Variants in DMXL2 observed in about 807,000 individuals in gnomAD.
DMXL2 encodes the protein dmX-like protein 2.
Under a neutral mutation model 331.1 loss-of-function variants are expected in DMXL2, and 103 were observed. That is an observed-to-expected ratio of 0.31 (90% CI 0.27 to 0.37). The LOEUF is 0.37. Ranked by LOEUF, DMXL2 falls within the 10% of genes least tolerant of loss-of-function variation. The probability of loss-of-function intolerance (pLI) is 1.00; values close to 1 mark genes in which losing one functional copy is unlikely to be tolerated. For synonymous variants in DMXL2, 1,281 were observed against 1,252.1 expected (o/e 1.02, Z -0.49); for missense variants, 3,171 against 3,642.9 (o/e 0.87, Z 3.33).
chr15:51,462,253 T>C (rs891966884), intron 33 of DMXL2, among the ~76,000 whole-genome samples: 2 of 152,156 alleles, frequency 1.3e-5, no homozygotes, highest in Non-Finnish European at 2.9e-5. Context: ...TCTCGGGAAA[T>C]TGAGCCGTAT....
At chr15:51,616,934 C>CT (rs2054320301) in intron 1 of DMXL2, among the ~76,000 whole-genome samples, 1 of 52,484 alleles carries the variant, frequency 1.9e-5, no homozygotes, top group South Asian at 8.6e-4. Flanking sequence ...GAGACTCCAT[C>CT]TAAAAAAAAA....
intron 6 of DMXL2, among the ~76,000 whole-genome samples, chr15:51,559,262 A>G (rs75798985): frequency 0.012 from 1,766 of 152,370 alleles, 27 homozygotes; most frequent in East Asian, 0.026. Flanking sequence ...GCTCATACCC[A>G]TAATAAAGAA....
chr15:51,582,086 A>C (rs2051465342), intron 1 of DMXL2, among the ~76,000 whole-genome samples: 1 of 152,182 alleles, frequency 6.6e-6, no homozygotes, highest in African/African-American at 2.4e-5. Context: ...AGTTAGAAAA[A>C]TAATTACAAG....
At chr15:51,582,758 A>T (rs1191507494) in intron 1 of DMXL2, among the ~76,000 whole-genome samples, 1 of 152,188 alleles carries the variant, frequency 6.6e-6, no homozygotes, top group Non-Finnish European at 1.5e-5. Flanking sequence ...AAGGTAAATA[A>T]GGCACATAAA....
intron 32 of DMXL2, among the ~76,000 whole-genome samples, chr15:51,464,195 A>G (rs1227691050): frequency 1.3e-5 from 2 of 152,194 alleles, no homozygotes; most frequent in African/African-American, 4.8e-5. Context: ...TGAGCCTAGG[A>G]GTTTGAGACC....
chr15:51,601,864 A>C (rs2053249098), intron 1 of DMXL2, among the ~76,000 whole-genome samples: 2 of 152,228 alleles, frequency 1.3e-5, no homozygotes. Flanking sequence ...TGAATCTTCC[A>C]GTCCATGAAC....
At chr15:51,616,311 C>A (rs567172371) in intron 1 of DMXL2, among the ~76,000 whole-genome samples, 1 of 151,718 alleles carries the variant, frequency 6.6e-6, no homozygotes, top group Admixed American at 6.6e-5. Flanking sequence ...CCTCAGGAAT[C>A]ATGAAATGAG....
chr15:51,566,828 G>C, intron 3 of DMXL2, among the ~76,000 whole-genome samples: 1 of 152,066 alleles, frequency 6.6e-6, no homozygotes, highest in East Asian at 1.9e-4. Context: ...TGGTAAAAAT[G>C]TAATGCATGC....
chr15:51,608,246 T>C (rs977214340), intron 1 of DMXL2, among the ~76,000 whole-genome samples: 4 of 152,120 alleles, frequency 2.6e-5, no homozygotes, highest in African/African-American at 9.7e-5. Context: ...AATCCCATTA[T>C]TGGGTATATG....
rs529641289 is a variant in DMXL2 at position 51,527,671 on chromosome 15, G to A, written c.2436+7992C>T. Among the ~76,000 whole-genome samples, 7 of 151,712 alleles carry A rather than the reference G, an allele frequency of 4.6e-5. No homozygotes were observed. The South Asian group carries it at 6.2e-4, about 14-fold the overall frequency. ...CAGGAGGCAGAGGTTGCAGTGAGCC[G>A]AGATGGTGCCACTGCACTCCACCCT... On this transcript the variant is annotated intron_variant, in intron 13 of 43. Transcript: ENST00000560891.
chr15:51,536,120 T>C (rs1402622312), intron 12 of DMXL2, 46 bp downstream of exon 12: 1 of 1,435,036 alleles, frequency 7.0e-7, no homozygotes, highest in African/African-American at 1.4e-5. Context: ...TAACAAATAA[T>C]AGTTTAAAAG....
chr15:51,454,867 TATA>T (rs762855499), intron 40 of DMXL2, among the ~76,000 whole-genome samples: 3 of 151,998 alleles, frequency 2.0e-5, no homozygotes, highest in African/African-American at 4.8e-5. Context: ...TGGATGAAAG[TATA>T]ATAATAATGA....
chr15:51,507,915 T>C (rs1169377371), intron 15 of DMXL2, among the ~76,000 whole-genome samples: 1 of 152,138 alleles, frequency 6.6e-6, no homozygotes, highest in African/African-American at 2.4e-5. Flanking sequence ...ATTACTTGTA[T>C]ATATAATTTT....
At chr15:51,554,775 C>T (rs532123972) in intron 6 of DMXL2, among the ~76,000 whole-genome samples, 2 of 152,206 alleles carry the variant, frequency 1.3e-5, no homozygotes, top group South Asian at 2.1e-4. Context: ...TAAACCATCA[C>T]GAAGACTTGG....
In DMXL2 at chr15:51,499,232, C is replaced by T; in HGVS notation, c.3992G>A (p.Gly1331Asp). 1.9e-6 allele frequency: 3 copies of T among 1,613,984 alleles called. No individual in the cohort carries two copies. Among genetic ancestry groups the T allele is most frequent in the South Asian group, 1.1e-5 (1 of 91,082 alleles). ...TACATGTGCAGCCTCAAATAAGCCACCATCTTGAATTACAGTTGGTGAACA... is the reference window on the plus strand; with the variant it reads ...TACATGTGCAGCCTCAAATAAGCCATCATCTTGAATTACAGTTGGTGAACA... ...VFCSPTVIQD[G>D]GLFEAAHVLS... Residue 1331 changes from glycine to aspartate, a missense_variant, in exon 18 of 44, where the codon GGT (glycine) becomes GAT (aspartate). Coordinates refer to ENST00000560891, the MANE Select transcript of DMXL2 (RefSeq NM_001378457.1).
chr15:51,475,025 A>T (rs2041450542), intron 27 of DMXL2, among the ~76,000 whole-genome samples: 1 of 152,220 alleles, frequency 6.6e-6, no homozygotes, highest in Non-Finnish European at 1.5e-5. Flanking sequence ...AAAGGAAAAA[A>T]AAAGTAACTT....
At chr15:51,568,418 T>C in intron 3 of DMXL2, 69 bp downstream of exon 3, 1 of 1,103,592 alleles carries the variant, frequency 9.1e-7, no homozygotes, top group African/African-American at 1.6e-5. Flanking sequence ...AAGGAGCTTT[T>C]TATTAACATC....
chr15:51,601,163 C>T (rs1001769823), intron 1 of DMXL2, among the ~76,000 whole-genome samples: 34 of 151,670 alleles, frequency 2.2e-4, no homozygotes, highest in African/African-American at 7.8e-4. Flanking sequence ...TGGTGGCAGG[C>T]GCCTGTAGTC....
intron 14 of DMXL2, among the ~76,000 whole-genome samples, chr15:51,515,974 T>C (rs1567055802): frequency 6.6e-6 from 1 of 152,186 alleles, no homozygotes; most frequent in African/African-American, 2.4e-5. Context: ...CAGGAGGTAT[T>C]AGCAATATGG....
Sources: allele counts gnomAD v4.1 joint callset (sites outside exome capture counted in the v4.1 genomes callset), GRCh38; gene constraint gnomAD v4.1.1; transcripts MANE v1.5; gene names NCBI Gene and HGNC (gene_info 2026-07-23, HGNC 2026-07-21).